Variants in SNED1 observed in about 807,000 individuals in gnomAD.
SNED1 encodes sushi, nidogen and EGF like domains 1, also known as sushi, nidogen and EGF-like domain-containing protein 1.
SNED1 carries 81 observed loss-of-function variants against 166.7 expected under a neutral mutation model. That is an observed-to-expected ratio of 0.49 (90% CI 0.41 to 0.58). The LOEUF (loss-of-function observed/expected upper bound fraction) is 0.58, where lower values mean the gene tolerates loss of function less well. SNED1 is among the 20% of genes least tolerant of loss of function. The pLI is 0.00. For synonymous variants in SNED1, 762 were observed against 822.0 expected, an observed-to-expected ratio of 0.93 and a Z score of 1.25; for missense variants, 1,604 against 2,000.2, an observed-to-expected ratio of 0.80 and a Z score of 3.78.
intron 1 of SNED1, among the ~76,000 whole-genome samples, chr2:241,017,917 G>A (rs2060646677): frequency 6.6e-6 from 1 of 152,226 alleles, no homozygotes; most frequent in South Asian, 2.1e-4. Flanking sequence ...AATAATTACA[G>A]AGGCAATGAA....
chr2:241,086,166 CCT>C lies in SNED1; in HGVS notation c.4122-1225_4122-1224del, dbSNP rs1395596982. Among the ~76,000 whole-genome samples, 13 of 152,252 alleles carry C rather than the reference CCT, an allele frequency of 8.5e-5. No individual in the cohort carries two copies. In the South Asian group the frequency reaches 2.3e-3, roughly 27 times the overall value. ...ACAGGAGTGAGCCACCGCACCTGGCCCTGTCTGGGGTTTCTATGGATGGCCTA... is the reference window on the plus strand; with the variant it reads ...ACAGGAGTGAGCCACCGCACCTGGCCGTCTGGGGTTTCTATGGATGGCCTA... On this transcript the variant is annotated intron_variant, in intron 29 of 31. Transcript: ENST00000310397.
chr2:241,031,297 T>C (rs2061161122), intron 2 of SNED1, among the ~76,000 whole-genome samples: 1 of 152,188 alleles, frequency 6.6e-6, no homozygotes, highest in Non-Finnish European at 1.5e-5. Context: ...CCTGAGCAGC[T>C]AGGATTACAG....
At chr2:241,049,994 C>A (rs533343388) in intron 12 of SNED1, 61 bp downstream of exon 12, 3 of 1,209,714 alleles carry the variant, frequency 2.5e-6, no homozygotes, top group Non-Finnish European at 3.7e-6. Context: ...CGCGGTCCGC[C>A]GTCCTGCTTC....
intron 1 of SNED1, among the ~76,000 whole-genome samples, chr2:241,024,358 G>A (rs1210071056): frequency 1.4e-5 from 2 of 140,332 alleles, no homozygotes; most frequent in African/African-American, 5.3e-5. Context: ...CAATTCTCCT[G>A]CCTCAGCCTC....
chr2:241,041,812 C>T (rs2061528790), intron 8 of SNED1, among the ~76,000 whole-genome samples: 1 of 152,152 alleles, frequency 6.6e-6, no homozygotes, highest in Admixed American at 6.5e-5. Context: ...AGGAAGTGGG[C>T]CACAAATTGG....
chr2:241,012,009 G>A (rs951761133), intron 1 of SNED1, among the ~76,000 whole-genome samples: 2 of 152,220 alleles, frequency 1.3e-5, no homozygotes, highest in African/African-American at 4.8e-5. Flanking sequence ...GCAGGCGGCG[G>A]GTGGGCCCGA....
chr2:241,046,068 T>C (rs1479286082), intron 8 of SNED1, among the ~76,000 whole-genome samples: 2 of 152,192 alleles, frequency 1.3e-5, no homozygotes, highest in East Asian at 3.8e-4. Flanking sequence ...AATACTCTTG[T>C]CATTAATATC....
intron 21 of SNED1, 143 bp from the exon 22 acceptor site, chr2:241,067,621 T>A: frequency 1.6e-6 from 1 of 627,380 alleles, no homozygotes; most frequent in Non-Finnish European, 2.7e-6. Context: ...CAGCCCGAGT[T>A]CCCTGAGCAG....
chr2:241,039,132 T>G (rs923104049), intron 6 of SNED1, among the ~76,000 whole-genome samples: 1 of 152,170 alleles, frequency 6.6e-6, no homozygotes, highest in Non-Finnish European at 1.5e-5. Context: ...CTCCCTGATC[T>G]TGGAAGCCAC....
intron 29 of SNED1, among the ~76,000 whole-genome samples, chr2:241,086,022 C>T (rs2063558026): frequency 6.6e-6 from 1 of 152,112 alleles, no homozygotes; most frequent in Admixed American, 6.5e-5. Context: ...CACTCACCAC[C>T]ATGCCCAGCT....
chr2:241,088,497 T>A, intron 31 of SNED1, 95 bp downstream of exon 31: 1 of 1,023,492 alleles, frequency 9.8e-7, no homozygotes, highest in Non-Finnish European at 1.5e-6. Flanking sequence ...CGCTGCCTGC[T>A]TACTCAGCAC....
intron 16 of SNED1, among the ~76,000 whole-genome samples, chr2:241,057,380 AATATAT>A (rs57902432): frequency 0.37 from 43,235 of 117,956 alleles, 7,666 homozygotes; most frequent in Middle Eastern, 0.43. Flanking sequence ...TCCATCTCAA[AATATAT>A]ATATATATAT....
intron 30 of SNED1, 110 bp from the exon 31 acceptor site, chr2:241,088,255 G>A (rs773914447): frequency 2.5e-6 from 2 of 791,914 alleles, no homozygotes; most frequent in Non-Finnish European, 4.5e-6. Context: ...ACCGTGGAAT[G>A]TATGTGAGCT....
At chr2:241,076,297 T>C (rs546720810) in intron 27 of SNED1, among the ~76,000 whole-genome samples, 36 of 152,346 alleles carry the variant, frequency 2.4e-4, no homozygotes, top group African/African-American at 8.4e-4. Context: ...ATATATGACA[T>C]TATGACTTAT....
chr2:241,037,513 C>A (rs182662602), intron 6 of SNED1, among the ~76,000 whole-genome samples, 160 bp downstream of exon 6: 2 of 152,344 alleles, frequency 1.3e-5, no homozygotes, highest in Non-Finnish European at 2.9e-5. Context: ...AGCCCAGATG[C>A]CCAGGGAAAG....
At chr2:241,033,972 C>T in intron 3 of SNED1, 97 bp downstream of exon 3, 1 of 1,411,750 alleles carries the variant, frequency 7.1e-7, no homozygotes, top group Non-Finnish European at 9.6e-7. Context: ...TCACCATAGG[C>T]AGATCCCCCA....
At position 241,066,978 on chromosome 2, in the gene SNED1, G is replaced by A. The variant is rs571096367; in HGVS notation, c.3011-786G>A. On this transcript the variant is annotated intron_variant, in intron 21 of 31. Coordinates refer to ENST00000310397, the MANE Select transcript of SNED1 (RefSeq NM_001080437.3). The stretch of plus-strand genomic sequence containing the variant: ...CAGTGGAGAGCCTGGGCGCATGTGC[G>A]GGTGGCACTGAGCAGGTGTCAGCAG... 4.8e-4 allele frequency among the ~76,000 whole-genome samples: 73 copies of A among 152,220 alleles called. 4 individuals are homozygous for A. Among genetic ancestry groups the A allele is most frequent in the Non-Finnish European group, 1.2e-4 (8 of 68,036 alleles).
Position 241,049,937 on chromosome 2 carries a change from T to G in SNED1, c.1735+4T>G. ...CACGGCAAGCACTGCGAGAAAGGTA[T>G]GGCGGGCAGGGGCGTCCGGGCCGGC... On this transcript the variant is annotated splice_donor_region_variant and intron_variant, in intron 12 of 31. Coordinates refer to ENST00000310397, the MANE Select transcript of SNED1 (RefSeq NM_001080437.3). 1 of 1,611,544 alleles carries G rather than the reference T, an allele frequency of 6.2e-7. No homozygotes were observed. The highest frequency in any genetic ancestry group is 8.5e-7 in the Non-Finnish European group (1 of 1,178,122).
At position 241,094,333 on chromosome 2, in the gene SNED1, A is replaced by G. The variant is rs1476776793; in HGVS notation, c.*2697A>G. The G allele has an allele frequency of 6.4e-6, 3 of 470,410 alleles. No homozygotes were observed. Among genetic ancestry groups the G allele is most frequent in the Non-Finnish European group, 1.3e-5 (3 of 226,936 alleles). 29.1% of individuals were successfully genotyped at this position (470,410 alleles called of 1,614,324 possible). On this transcript the variant is annotated 3_prime_UTR_variant, in exon 32 of 32. Coordinates refer to ENST00000310397, the MANE Select transcript of SNED1 (RefSeq NM_001080437.3). This position sits in a 1 kb window ranked among gnomAD's most constrained non-coding sequence, Gnocchi z 4.3. ...CCACTGGCAAAGGACTGCCACTGCC[A>G]TCTGACTCAACTGTGGCGATGTGGA...
Sources: allele counts gnomAD v4.1 joint callset (sites outside exome capture counted in the v4.1 genomes callset), GRCh38; gene constraint gnomAD v4.1.1; non-coding constraint Gnocchi (gnomAD v3.1); transcripts MANE v1.5; gene names NCBI Gene and HGNC (gene_info 2026-07-23, HGNC 2026-07-21).